WDFY4: variants seen among roughly 807,000 people sequenced by gnomAD.
The protein encoded by WDFY4 is WDFY family member 4, also known as WD repeat- and FYVE domain-containing protein 4.
WDFY4 carries 169 observed loss-of-function variants against 351.9 expected under a neutral mutation model. That is an observed-to-expected ratio of 0.48 (90% CI 0.42 to 0.55). The LOEUF (loss-of-function observed/expected upper bound fraction) is 0.55, where lower values mean the gene tolerates loss of function less well. Ranked by LOEUF, WDFY4 falls within the 20% of genes least tolerant of loss-of-function variation. The probability of loss-of-function intolerance (pLI) is 0.00; values close to 1 mark genes in which losing one functional copy is unlikely to be tolerated. For synonymous variants in WDFY4, 1,622 were observed against 1,574.6 expected (o/e 1.03, Z -0.71); for missense variants, 3,803 against 3,935.6 (o/e 0.97, Z 0.90).
chr10:48,793,491 TG>T (rs1405939597), intron 23 of WDFY4, among the ~76,000 whole-genome samples: 37 of 152,214 alleles, frequency 2.4e-4, no homozygotes, highest in Admixed American at 2.4e-3. Context: ...TTTTTGCTTT[TG>T]TTTTTTTAAA....
chr10:48,952,742 C>A (rs1189466474), intron 51 of WDFY4, among the ~76,000 whole-genome samples: 1 of 152,132 alleles, frequency 6.6e-6, no homozygotes. Context: ...AGAGCCACCA[C>A]CTACAGGAAG....
chr10:48,740,908 C>T (rs116475779), intron 11 of WDFY4, among the ~76,000 whole-genome samples: 1 of 152,196 alleles, frequency 6.6e-6, no homozygotes, highest in East Asian at 1.9e-4. Flanking sequence ...TTTTCTATAA[C>T]TGGGAAAAGA....
At chr10:48,886,440 A>G (rs1353098837) in intron 43 of WDFY4, among the ~76,000 whole-genome samples, 1 of 152,244 alleles carries the variant, frequency 6.6e-6, no homozygotes, top group Non-Finnish European at 1.5e-5. Flanking sequence ...TGATTAGGCC[A>G]TGAGAGCATG....
intron 32 of WDFY4, 81 bp downstream of exon 32, chr10:48,817,490 C>A: frequency 7.1e-7 from 1 of 1,413,844 alleles, no homozygotes; most frequent in South Asian, 1.5e-5. Context: ...AAATCCCTCC[C>A]CTCCCCCCTA....
rs556351663 is a variant in WDFY4 at position 48,883,186 on chromosome 10, C to T, written c.7167+5987C>T. On this transcript the variant is annotated intron_variant, in intron 43 of 61. Transcript: ENST00000325239. The stretch of plus-strand genomic sequence containing the variant: ...TTCAGGTCTCTCACCAACATGGCAT[C>T]TCTGCCTGGGATGCAACATGCCAAG... 2.4e-4 allele frequency among the ~76,000 whole-genome samples: 37 copies of T among 152,338 alleles called. 1 individual carries two copies. Among genetic ancestry groups the T allele is most frequent in the African/African-American group, 8.9e-4 (37 of 41,570 alleles).
At chr10:48,974,502 CAAAAAA>C (rs553826473) in intron 57 of WDFY4, among the ~76,000 whole-genome samples, 1 of 10,380 alleles carries the variant, frequency 9.6e-5, no homozygotes, top group African/African-American at 3.2e-4. Flanking sequence ...GACTCCGTCT[CAAAAAA>C]AAAAAAAAAA....
At chr10:48,808,713 T>C (rs1340422385) in intron 28 of WDFY4, among the ~76,000 whole-genome samples, 1 of 152,240 alleles carries the variant, frequency 6.6e-6, no homozygotes, top group Non-Finnish European at 1.5e-5. Context: ...TTTCTTAGAA[T>C]CAAAACATGG....
intron 39 of WDFY4, among the ~76,000 whole-genome samples, chr10:48,845,274 TC>T (rs935418337): frequency 3.3e-5 from 5 of 152,202 alleles, no homozygotes; most frequent in African/African-American, 1.2e-4. Context: ...GCTCTAGCTC[TC>T]CTTCTCCTCT....
chr10:48,704,170 T>A (rs1426573968), intron 1 of WDFY4, among the ~76,000 whole-genome samples: 1 of 152,126 alleles, frequency 6.6e-6, no homozygotes, highest in East Asian at 1.9e-4. Context: ...AGAGAGGGAC[T>A]GGGATCACCG....
chr10:48,854,634 A>G (rs909324269), intron 39 of WDFY4, among the ~76,000 whole-genome samples: 2 of 152,246 alleles, frequency 1.3e-5, no homozygotes, highest in Non-Finnish European at 2.9e-5. Flanking sequence ...TAATGTGACT[A>G]CTAAGAACCA....
chr10:48,816,511 T>C (rs1178326153), intron 31 of WDFY4, among the ~76,000 whole-genome samples: 1 of 152,248 alleles, frequency 6.6e-6, no homozygotes, highest in Non-Finnish European at 1.5e-5. Flanking sequence ...ATGTGATCTG[T>C]ATATTTTTCA....
At chr10:48,697,581 G>A (rs2063364785) in intron 1 of WDFY4, among the ~76,000 whole-genome samples, 1 of 152,204 alleles carries the variant, frequency 6.6e-6, no homozygotes. Flanking sequence ...GTGACTTTTT[G>A]GAGTCAGATG....
intron 12 of WDFY4, among the ~76,000 whole-genome samples, chr10:48,751,304 G>T (rs957856021): frequency 6.6e-6 from 1 of 152,222 alleles, no homozygotes; most frequent in African/African-American, 2.4e-5. Flanking sequence ...AGGCATAAAG[G>T]TGAGACTCAA....
chr10:48,827,193 A>G (rs929976116), intron 36 of WDFY4, among the ~76,000 whole-genome samples: 3 of 152,140 alleles, frequency 2.0e-5, no homozygotes, highest in Non-Finnish European at 4.4e-5. Context: ...GAAAATGCCA[A>G]CATTAGATGT....
chr10:48,768,021 C>A (rs17011183), intron 13 of WDFY4, among the ~76,000 whole-genome samples: 12,482 of 152,142 alleles, frequency 0.082, 635 homozygotes, highest in Middle Eastern at 0.17. Flanking sequence ...ACACTGGGGA[C>A]TGTTGTACCA....
Position 48,709,789 on chromosome 10 carries a change from A to T in WDFY4, c.57A>T (p.Lys19Asn). 1 of 1,551,952 alleles carries T rather than the reference A, an allele frequency of 6.4e-7. No homozygotes were observed. ...AEDRNEDPGS[K>N]NEGQLAAVQP... Reference sequence around the variant, plus strand: ...ACAGAAATGAAGACCCAGGTTCCAAAAATGAAGGGCAGCTTGCTGCTGTGC... The same window carrying T: ...ACAGAAATGAAGACCCAGGTTCCAATAATGAAGGGCAGCTTGCTGCTGTGC... The change falls in exon 2 of 62, where the codon AAA (lysine) becomes AAT (asparagine). Residue 19 changes from lysine (K) to asparagine (N), a missense_variant. Around this residue, in one of 3 missense-constraint regions of WDFY4, gnomAD observed 488 missense variants for 456.8 expected, o/e 1.07. Transcript: ENST00000325239.
chr10:48,749,506 G>A (rs1371488078), intron 12 of WDFY4, among the ~76,000 whole-genome samples: 1 of 151,614 alleles, frequency 6.6e-6, no homozygotes, highest in Non-Finnish European at 1.5e-5. Context: ...GACACCACAC[G>A]ACACACACAA....
At position 48,822,312 on chromosome 10, in the gene WDFY4, G is replaced by T. The variant is rs1031664850; in HGVS notation, c.5825-68G>T. On this transcript the variant is annotated intron_variant, in intron 34 of 61. Transcript: ENST00000325239. The stretch of plus-strand genomic sequence containing the variant: ...TAAGATGCAGTTGGTCACTACAGGG[G>T]GCTTGGAGATTGTCATGGACAGAAG... 3.4e-6 allele frequency: 5 copies of T among 1,451,466 alleles called. No individual in the cohort carries two copies. In the African/African-American group the frequency reaches 4.2e-5, roughly 12 times the overall value. The allele number at this position is 1,451,466 out of a possible 1,614,324, so 89.9% of individuals were successfully genotyped here. A position where few individuals can be genotyped will look rare whatever the true frequency, so the allele number is the denominator to read the frequency against.
chr10:48,934,270 A>G (rs1405308471), intron 47 of WDFY4, among the ~76,000 whole-genome samples: 4 of 152,172 alleles, frequency 2.6e-5, no homozygotes, highest in Non-Finnish European at 4.4e-5. Flanking sequence ...CAAAGACACT[A>G]CCTACTTTTT....
Sources: gnomAD v4.1 joint callset for allele counts (sites outside exome capture counted in the v4.1 genomes callset) on GRCh38, gnomAD v4.1.1 for gene constraint, gnomAD v4.1.1 regional missense constraint, MANE v1.5 for transcripts, NCBI Gene and HGNC (gene_info 2026-07-23, HGNC 2026-07-21) for gene names.